NEK10: variants seen among roughly 807,000 people sequenced by gnomAD.
NEK10 encodes the protein NIMA related kinase 10.
A neutral mutation model predicts 159.8 loss-of-function variants in NEK10; 122 were observed. That is an observed-to-expected ratio of 0.76 (90% confidence interval 0.66 to 0.89). NEK10 has a LOEUF of 0.89. Among genes scored for constraint, NEK10 ranks in the 40% least tolerant of loss-of-function variants. The pLI is 0.00. For synonymous variants in NEK10, 466 were observed against 457.1 expected, an observed-to-expected ratio of 1.02 and a Z score of -0.25; for missense variants, 1,342 against 1,323.1, an observed-to-expected ratio of 1.01 and a Z score of -0.22.
chr3:27,248,711 GAGA>G (rs561954877), intron 23 of NEK10, among the ~76,000 whole-genome samples: 36 of 152,314 alleles, frequency 2.4e-4, no homozygotes, highest in African/African-American at 4.8e-4. Context: ...ATTACAGTCA[GAGA>G]AGATGTTTGA....
chr3:27,124,681 G>C (rs186246974), intron 32 of NEK10, among the ~76,000 whole-genome samples: 2 of 152,178 alleles, frequency 1.3e-5, no homozygotes, highest in East Asian at 3.8e-4. Context: ...GTGAAAAAGC[G>C]TGAGGTTTAA....
At chr3:27,144,353 C>T (rs1208319633) in intron 30 of NEK10, among the ~76,000 whole-genome samples, 1 of 152,190 alleles carries the variant, frequency 6.6e-6, no homozygotes, top group Non-Finnish European at 1.5e-5. Context: ...CTTTCAATTT[C>T]TCATGATAAT....
At chr3:27,171,715 C>A in intron 29 of NEK10, 104 bp downstream of exon 29, 1 of 1,169,902 alleles carries the variant, frequency 8.5e-7, no homozygotes, top group Non-Finnish European at 1.2e-6. Flanking sequence ...CTCCTATTTC[C>A]GCAGGCACAT....
rs2049339239 is a variant in NEK10, at chr3:27,369,295, T to A, written c.-108A>T. On this transcript the variant is annotated 5_prime_UTR_variant, in exon 1 of 36. Transcript: ENST00000691995. The surrounding 1 kb of genome is among the most constrained non-coding windows in gnomAD (Gnocchi z 4.2). ...TGTCCCTGCTGCTGTCACCTGCTGCTGCAGACCGGGGGTCCCGTCCAGTCT... is the reference window on the plus strand; with the variant it reads ...TGTCCCTGCTGCTGTCACCTGCTGCAGCAGACCGGGGGTCCCGTCCAGTCT... 6.5e-6 allele frequency: 1 copy of A among 152,754 alleles called. No individual in the cohort carries two copies. The highest frequency in any genetic ancestry group is 2.4e-5 in the African/African-American group (1 of 41,438). 9.5% of individuals were successfully genotyped at this position (152,754 alleles called of 1,614,324 possible). A position where few individuals can be genotyped will look rare whatever the true frequency, so the allele number is the denominator to read the frequency against.
At chr3:27,147,974 G>T (rs1448319615) in intron 30 of NEK10, among the ~76,000 whole-genome samples, 2 of 152,090 alleles carry the variant, frequency 1.3e-5, no homozygotes, top group African/African-American at 4.8e-5. Flanking sequence ...ACTTGCCAAA[G>T]AACAACTTTA....
chr3:27,152,602 CA>C (rs565800978), intron 30 of NEK10, among the ~76,000 whole-genome samples: 5 of 145,018 alleles, frequency 3.4e-5, no homozygotes, highest in African/African-American at 7.6e-5. Flanking sequence ...AACCAAAAAA[CA>C]AAAAAAAAAC....
chr3:27,238,986 G>C (rs1305569589), intron 23 of NEK10, among the ~76,000 whole-genome samples: 1 of 152,048 alleles, frequency 6.6e-6, no homozygotes, highest in Non-Finnish European at 1.5e-5. Context: ...CTGATTGGTT[G>C]CAAGAGTCAA....
chr3:27,185,683 T>G (rs1006033451), intron 26 of NEK10, among the ~76,000 whole-genome samples: 6 of 152,228 alleles, frequency 3.9e-5, no homozygotes, highest in African/African-American at 1.4e-4. Context: ...TCTCACATTT[T>G]GTGCAGGACT....
intron 23 of NEK10, among the ~76,000 whole-genome samples, chr3:27,249,201 T>C (rs570697057): frequency 2.1e-4 from 32 of 152,222 alleles, no homozygotes; most frequent in Admixed American, 3.9e-4. Flanking sequence ...TTGCTTCCCC[T>C]GTCTTCCACC....
chr3:27,351,547 T>A lies in NEK10; in HGVS notation c.132+918A>T, dbSNP rs557394075. On this transcript the variant is annotated intron_variant, in intron 3 of 35. Transcript: ENST00000691995. Reference sequence around the variant, plus strand: ...TAATGCAGGTAAAGCAGCGGGCACATAGAAAGTGTTCCCTAAATACGAACT... The same window carrying A: ...TAATGCAGGTAAAGCAGCGGGCACAAAGAAAGTGTTCCCTAAATACGAACT... Among the ~76,000 whole-genome samples the A allele has an allele frequency of 6.6e-5, 10 of 152,240 alleles. 1 individual carries two copies. In the South Asian group the frequency reaches 2.1e-3, roughly 32 times the overall value.
At chr3:27,260,143 T>C (rs577216854) in intron 22 of NEK10, among the ~76,000 whole-genome samples, 1 of 151,580 alleles carries the variant, frequency 6.6e-6, no homozygotes, top group South Asian at 2.1e-4. Context: ...GTTTTCTAAA[T>C]ATACAATCAT....
chr3:27,355,042 C>T (rs1298204413), intron 1 of NEK10, among the ~76,000 whole-genome samples: 1 of 152,198 alleles, frequency 6.6e-6, no homozygotes, highest in Non-Finnish European at 1.5e-5. Flanking sequence ...GGCAGAGTGC[C>T]CACATATATC....
chr3:27,111,230 A>T lies in NEK10; in HGVS notation c.*42T>A, dbSNP rs1484777883. On this transcript the variant is annotated 3_prime_UTR_variant, in exon 36 of 36. Transcript: ENST00000691995. ...AATAGCGGCTGAAGTCCAGAACTTG[A>T]ACTTCACTGAGAAAATCAAGTCCAC... 6.3e-7 allele frequency: 1 copy of T among 1,580,680 alleles called. No homozygotes were observed. The highest frequency in any genetic ancestry group is 8.7e-7 in the Non-Finnish European group (1 of 1,152,260).
chr3:27,171,903 A>AG, intron 28 of NEK10, 30 bp from the exon 29 acceptor site: 1 of 1,592,788 alleles, frequency 6.3e-7, no homozygotes, highest in Non-Finnish European at 8.6e-7. Flanking sequence ...ATAACTTTAC[A>AG]TTATTTCCTC....
At chr3:27,213,519 A>G (rs1054615730) in intron 23 of NEK10, among the ~76,000 whole-genome samples, 1 of 152,192 alleles carries the variant, frequency 6.6e-6, no homozygotes, top group East Asian at 1.9e-4. Context: ...GGTTTTATAA[A>G]CCAAAACTAA....
intron 19 of NEK10, among the ~76,000 whole-genome samples, chr3:27,289,786 T>G (rs189181023): frequency 6.6e-6 from 1 of 152,372 alleles, no homozygotes; most frequent in African/African-American, 2.4e-5. Flanking sequence ...TCTAGTCTAT[T>G]AGTATATAAA....
intron 23 of NEK10, among the ~76,000 whole-genome samples, chr3:27,223,646 C>T (rs943372604): frequency 2.0e-5 from 3 of 152,078 alleles, no homozygotes; most frequent in Admixed American, 2.0e-4. Flanking sequence ...TTGTAAGTCA[C>T]CCCAACCTTC....
intron 3 of NEK10, among the ~76,000 whole-genome samples, chr3:27,351,568 G>A (rs192756345): frequency 5.9e-5 from 9 of 152,184 alleles, no homozygotes; most frequent in African/African-American, 1.7e-4. Flanking sequence ...CCCTAAATAC[G>A]AACTATCATT....
At chr3:27,342,072 G>A (rs1043908822) in intron 5 of NEK10, among the ~76,000 whole-genome samples, 18 of 151,188 alleles carry the variant, frequency 1.2e-4, no homozygotes, top group Non-Finnish European at 2.5e-4. Context: ...AGTAGAATTT[G>A]AGTCCCCAGG....
Sources: gnomAD v4.1 joint callset for allele counts (sites outside exome capture counted in the v4.1 genomes callset) on GRCh38, gnomAD v4.1.1 for gene constraint, Gnocchi (gnomAD v3.1) non-coding constraint, MANE v1.5 for transcripts, NCBI Gene and HGNC (gene_info 2026-07-23, HGNC 2026-07-21) for gene names.